Variants in C10orf143 observed in about 807,000 individuals in gnomAD.
The protein encoded by C10orf143 is uncharacterized protein C10orf143.
chr10:130,092,574 C>T (rs1396181601), intron 1 of C10orf143, among the ~76,000 whole-genome samples: 3 of 152,080 alleles, frequency 2.0e-5, no homozygotes, highest in Non-Finnish European at 4.4e-5. Context: ...CAATATTAAC[C>T]TTAAACATAA....
intron 3 of C10orf143, among the ~76,000 whole-genome samples, chr10:130,077,326 C>T (rs552453112): frequency 1.9e-3 from 288 of 152,236 alleles, no homozygotes; most frequent in African/African-American, 5.0e-3. Context: ...CAAGCTCAGA[C>T]GGCTATACTG....
downstream of C10orf143, among the ~76,000 whole-genome samples, chr10:130,060,159 G>A (rs112507112): frequency 2.6e-5 from 4 of 152,074 alleles, no homozygotes; most frequent in African/African-American, 7.2e-5. Context: ...ACTTTTGTGG[G>A]TGCAAAGTGC....
chr10:130,061,514 G>A (rs567768870), downstream of C10orf143, among the ~76,000 whole-genome samples: 1 of 152,248 alleles, frequency 6.6e-6, no homozygotes, highest in African/African-American at 2.4e-5. Context: ...AATTATTAAA[G>A]GTACGTTTTG....
intron 3 of C10orf143, among the ~76,000 whole-genome samples, chr10:130,040,888 G>A (rs1201129999): frequency 6.6e-6 from 1 of 151,968 alleles, no homozygotes; most frequent in Non-Finnish European, 1.5e-5. Context: ...GCTCAGTGAG[G>A]GGCACCAAGG....
intron 3 of C10orf143, among the ~76,000 whole-genome samples, chr10:130,077,573 C>T (rs1258631864): frequency 1.3e-5 from 2 of 152,188 alleles, no homozygotes; most frequent in South Asian, 2.1e-4. Context: ...GTGGGCAGGC[C>T]CACGTGTAAG....
intron 1 of C10orf143, among the ~76,000 whole-genome samples, chr10:130,083,846 A>G (rs1861246668): frequency 6.9e-6 from 1 of 145,186 alleles, no homozygotes; most frequent in South Asian, 2.2e-4. Context: ...AGAGCTCTGC[A>G]TTAAAGCACC....
At position 130,056,509 on chromosome 10, in the gene C10orf143, A is replaced by G. The variant is rs1390150657; in HGVS notation, c.298-20539T>C. 6.6e-6 allele frequency among the ~76,000 whole-genome samples: 1 copy of G among 152,092 alleles called. No homozygotes were observed. Among genetic ancestry groups the G allele is most frequent in the Non-Finnish European group, 1.5e-5 (1 of 68,014 alleles). On this transcript the variant is annotated intron_variant and NMD_transcript_variant, in intron 3 of 5. Coordinates refer to the C10orf143 transcript ENST00000643056. The surrounding 1 kb of genome is among the most constrained non-coding windows in gnomAD (Gnocchi z 4.6). ...CAGTGAGAAATGAGGAAAAGAAACA[A>G]TGTCATTTTACAGAGAAAGGGAAGG...
chr10:130,046,161 G>A (rs543402958), intron 3 of C10orf143, among the ~76,000 whole-genome samples: 1 of 151,590 alleles, frequency 6.6e-6, no homozygotes, highest in Admixed American at 6.6e-5. Context: ...GAGGAGTGGG[G>A]CGAGAGGTGC....
intron 1 of C10orf143, among the ~76,000 whole-genome samples, chr10:130,093,584 A>G (rs948845519): frequency 2.0e-5 from 3 of 152,324 alleles, no homozygotes; most frequent in East Asian, 3.9e-4. Flanking sequence ...TGAAGGAGAT[A>G]GAGATACAAA....
chr10:130,049,266 G>C (rs1444905460), intron 3 of C10orf143, among the ~76,000 whole-genome samples: 1 of 152,212 alleles, frequency 6.6e-6, no homozygotes. Context: ...GAGACAGCAG[G>C]CATCTTTGAG....
downstream of C10orf143, among the ~76,000 whole-genome samples, chr10:130,059,755 T>C (rs1209630787): frequency 6.6e-6 from 1 of 152,054 alleles, no homozygotes; most frequent in Middle Eastern, 3.2e-3. Flanking sequence ...GATCCTTGCA[T>C]AGAGAGAGAT....
At chr10:130,102,825 C>A (rs1340273396) in intron 1 of C10orf143, among the ~76,000 whole-genome samples, 1 of 152,048 alleles carries the variant, frequency 6.6e-6, no homozygotes, top group Non-Finnish European at 1.5e-5. Flanking sequence ...TGGTAATATT[C>A]TTTACCCTGA....
intron 1 of C10orf143, chr10:130,107,871 C>G (rs753696193): frequency 5.5e-6 from 7 of 1,264,888 alleles, no homozygotes; most frequent in East Asian, 2.3e-5. Context: ...CCTCCACCAG[C>G]GCAATCATAT....
At chr10:130,087,146 G>A (rs1032270956) in intron 1 of C10orf143, among the ~76,000 whole-genome samples, 2 of 148,304 alleles carry the variant, frequency 1.3e-5, no homozygotes, top group Non-Finnish European at 3.0e-5. Context: ...ATTATTGAGA[G>A]CTGACCACAT....
intron 3 of C10orf143, among the ~76,000 whole-genome samples, chr10:130,047,405 G>A (rs757768574): frequency 1.3e-5 from 2 of 152,220 alleles, no homozygotes; most frequent in African/African-American, 2.4e-5. Context: ...GGCTTGGGGC[G>A]GGAGGGTCTG....
chr10:130,046,287 A>G (rs1379644893), intron 3 of C10orf143, among the ~76,000 whole-genome samples: 1 of 151,958 alleles, frequency 6.6e-6, no homozygotes, highest in East Asian at 2.0e-4. Context: ...TGGGTGGCGC[A>G]GGGCGCACTC....
At chr10:130,050,562 G>A (rs1183197471) in intron 3 of C10orf143, among the ~76,000 whole-genome samples, 3 of 152,112 alleles carry the variant, frequency 2.0e-5, no homozygotes, top group Non-Finnish European at 2.9e-5. Flanking sequence ...AATCATCTTA[G>A]TCACAAAATA....
At chr10:130,053,505 T>C (rs1216038061) in intron 3 of C10orf143, among the ~76,000 whole-genome samples, 2 of 152,216 alleles carry the variant, frequency 1.3e-5, no homozygotes, top group Admixed American at 6.5e-5. Flanking sequence ...CCCCTGGTTC[T>C]TGCCTCTACC....
In C10orf143 at chr10:130,079,883, A is replaced by C. The variant is rs1036345758; in HGVS notation, c.88T>G (p.Leu30Val). The change falls in exon 2 of 4, where the codon TTA (leucine) becomes GTA (valine). Residue 30 changes from leucine (L) to valine (V), a missense_variant. By Grantham distance (32) the Leu-to-Val change is conservative. Coordinates refer to ENST00000637128, the MANE Select transcript of C10orf143 (RefSeq NM_001355042.2). ...CCACGCTCATGCCCACTGGCTTCTA[A>C]TCTCCTGCATACCCGTTTCTGAAAC... ...PGDVKRVCRR[L>V]EASGHERGCH... 1.5e-5 allele frequency: 6 copies of C among 398,466 alleles called. No individual in the cohort carries two copies. The highest frequency in any genetic ancestry group is 8.8e-5 in the Admixed American group (2 of 22,690). The allele number at this position is 398,466 out of a possible 1,614,324, so 24.7% of individuals were successfully genotyped here.
Sources: gnomAD v4.1 joint callset for allele counts (sites outside exome capture counted in the v4.1 genomes callset) on GRCh38, gnomAD v4.1.1 for gene constraint, Gnocchi (gnomAD v3.1) non-coding constraint, MANE v1.5 for transcripts, NCBI Gene and HGNC (gene_info 2026-07-23, HGNC 2026-07-21) for gene names.